The following SCP2 variants were observed in gnomAD, a reference collection of about 807,000 sequenced individuals.
SCP2 encodes sterol carrier protein 2, also known as SCP-2/3-oxoacyl-CoA thiolase.
A neutral mutation model predicts 71.4 loss-of-function variants in SCP2; 48 were observed. That is an observed-to-expected ratio of 0.67 (90% CI 0.53 to 0.86). SCP2 has a LOEUF of 0.86. Among genes scored for constraint, SCP2 ranks in the 40% least tolerant of loss-of-function variants. The pLI, the probability that SCP2 is intolerant of heterozygous loss-of-function variation, is 0.00. For missense variants in SCP2, 560 were observed against 655.6 expected (o/e 0.85, Z 1.59); for synonymous variants, 220 against 218.1 (o/e 1.01, Z -0.08).
chr1:52,958,830 C>G (rs1229097509), intron 5 of SCP2, among the ~76,000 whole-genome samples: 1 of 152,120 alleles, frequency 6.6e-6, no homozygotes, highest in Non-Finnish European at 1.5e-5. Context: ...GTTGGGATTA[C>G]AGGTGTGAGC....
intron 1 of SCP2, among the ~76,000 whole-genome samples, chr1:52,932,759 A>G (rs1653278911): frequency 6.6e-6 from 1 of 152,222 alleles, no homozygotes; most frequent in Non-Finnish European, 1.5e-5. Context: ...AAACTCAGTA[A>G]TTATGTTACT....
chr1:53,007,071 G>A (rs1016803989), intron 11 of SCP2, among the ~76,000 whole-genome samples: 19 of 152,184 alleles, frequency 1.2e-4, no homozygotes, highest in African/African-American at 4.6e-4. Context: ...AATTCAACAA[G>A]AAGAGATAAC....
At chr1:53,042,584 G>C (rs1663517133) in intron 14 of SCP2, among the ~76,000 whole-genome samples, 1 of 152,092 alleles carries the variant, frequency 6.6e-6, no homozygotes, top group Non-Finnish European at 1.5e-5. Flanking sequence ...GAGTGGTGTT[G>C]AAATACAGAC....
chr1:52,946,437 A>T (rs1260723995), intron 2 of SCP2, among the ~76,000 whole-genome samples: 2 of 151,800 alleles, frequency 1.3e-5, no homozygotes, highest in African/African-American at 4.8e-5. Flanking sequence ...CTGGTCTCAA[A>T]ACTCCTGGGC....
chr1:52,970,304 T>C (rs1657346214), intron 6 of SCP2, among the ~76,000 whole-genome samples: 1 of 152,138 alleles, frequency 6.6e-6, no homozygotes, highest in South Asian at 2.1e-4. Context: ...GCTGACTCTT[T>C]TTAGGTGCAA....
Position 52,970,995 on chromosome 1 carries a change from A to G in SCP2, c.524-3774A>G, listed in dbSNP as rs1315835400. On this transcript the variant is annotated intron_variant, in intron 6 of 15. Coordinates refer to ENST00000371514, the MANE Select transcript of SCP2 (RefSeq NM_002979.5). ...TTTTTTTTTTTTTTTTTTTTTTTTG[A>G]GACAGAGTCTCAGTCTGTTGCCCAG... Among the ~76,000 whole-genome samples, 4 of 47,908 alleles carry G rather than the reference A, an allele frequency of 8.3e-5. No individual in the cohort carries two copies. The Admixed American group carries it at 1.1e-3, about 13-fold the overall frequency. 31.4% of individuals were successfully genotyped at this position (47,908 alleles called of 152,430 possible).
intron 1 of SCP2, among the ~76,000 whole-genome samples, chr1:52,927,823 C>T (rs1402775145): frequency 2.0e-5 from 3 of 152,160 alleles, no homozygotes; most frequent in African/African-American, 7.2e-5. Context: ...GAACAGCCCC[C>T]ACAGGAGCCC....
intron 5 of SCP2, among the ~76,000 whole-genome samples, chr1:52,956,902 CTTTTT>C (rs370787153): frequency 8.3e-4 from 88 of 105,892 alleles, no homozygotes; most frequent in East Asian, 3.8e-3. Flanking sequence ...CTCCTTCTGC[CTTTTT>C]TTTTTTTTTT....
At chr1:53,022,926 A>G (rs754456944) in intron 12 of SCP2, among the ~76,000 whole-genome samples, 4 of 152,166 alleles carry the variant, frequency 2.6e-5, no homozygotes, top group Non-Finnish European at 5.9e-5. Context: ...GTTTCCTTTC[A>G]ATGTTTATAT....
intron 15 of SCP2, chr1:53,049,462 G>C: frequency 6.6e-6 from 1 of 152,236 alleles, no homozygotes; most frequent in Non-Finnish European, 1.5e-5. Flanking sequence ...TTTGGCTCCA[G>C]CAGCAAGCGT....
chr1:53,020,203 A>G (rs1661622599), intron 12 of SCP2, among the ~76,000 whole-genome samples: 1 of 151,958 alleles, frequency 6.6e-6, no homozygotes, highest in African/African-American at 2.4e-5. Context: ...GACAGTTTTG[A>G]TCAGTGGGAA....
intron 13 of SCP2, among the ~76,000 whole-genome samples, chr1:53,034,258 A>G (rs970006906): frequency 6.6e-6 from 1 of 152,056 alleles, no homozygotes; most frequent in Non-Finnish European, 1.5e-5. Flanking sequence ...CCTGGGTGAC[A>G]GAGTGACTCC....
At position 53,050,891 on chromosome 1, in the gene SCP2, A is replaced by C. The variant is rs1168965618; in HGVS notation, c.*187A>C. ...GGTGAATAGAGCCTGATGGTATACTACTGCTTTGCGGAATTGCATACAACT... is the reference window on the plus strand; with the variant it reads ...GGTGAATAGAGCCTGATGGTATACTCCTGCTTTGCGGAATTGCATACAACT... On this transcript the variant is annotated 3_prime_UTR_variant, in exon 16 of 16. Transcript: ENST00000371514. 3 of 551,486 alleles carry C rather than the reference A, an allele frequency of 5.4e-6. No homozygotes were observed. Among genetic ancestry groups the C allele is most frequent in the African/African-American group, 3.8e-5 (2 of 52,608 alleles). The allele number at this position is 551,486 out of a possible 1,614,324, so 34.2% of individuals were successfully genotyped here.
In SCP2 at chr1:53,037,686, A is replaced by G. The variant is rs768231810; in HGVS notation, c.1339-1231A>G. 6.2e-4 allele frequency among the ~76,000 whole-genome samples: 95 copies of G among 152,146 alleles called. No individual in the cohort carries two copies. The Middle Eastern group carries it at 0.017, about 27-fold the overall frequency. ...ACTGATAGAGAAAATGAGTTGAACA[A>G]CAACAAAAAAGGCCTTGATTTCAGA... On this transcript the variant is annotated intron_variant, in intron 13 of 15. Coordinates refer to ENST00000371514, the MANE Select transcript of SCP2 (RefSeq NM_002979.5).
In SCP2 at chr1:52,976,703, A is replaced by C; in HGVS notation, c.608A>C (p.Glu203Ala). The stretch of plus-strand genomic sequence containing the variant: ...TTTAGGTATTCCCAGTTCCAAGATG[A>C]ATACAGTTTAGATGAAGTGATGGCA... The part of the protein sequence containing the change: ...VNNPYSQFQD[E>A]YSLDEVMASK... Residue 203 changes from glutamate (E) to alanine (A), a missense_variant, in exon 8 of 16, where the codon GAA becomes GCA. By Grantham distance (107) the Glu-to-Ala change is moderately radical. Around this residue, in one of 3 missense-constraint regions of SCP2, gnomAD observed 513 missense variants for 573.1 expected, o/e 0.90. Coordinates refer to ENST00000371514, the MANE Select transcript of SCP2 (RefSeq NM_002979.5). 1 of 1,558,122 alleles carries C rather than the reference A, an allele frequency of 6.4e-7. No homozygotes were observed. The highest frequency in any genetic ancestry group is 1.7e-4 in the Middle Eastern group (1 of 5,922).
At chr1:53,040,319 T>C (rs962228870) in intron 14 of SCP2, among the ~76,000 whole-genome samples, 6 of 152,242 alleles carry the variant, frequency 3.9e-5, no homozygotes, top group African/African-American at 1.4e-4. Flanking sequence ...ACTATGTATG[T>C]CCTTGCTCAC....
chr1:53,013,421 TAAA>T (rs776237493), intron 11 of SCP2, among the ~76,000 whole-genome samples: 4 of 117,212 alleles, frequency 3.4e-5, no homozygotes, highest in African/African-American at 1.0e-4. Flanking sequence ...CCGTCTCTAC[TAAA>T]AAAAAAAAAA....
chr1:53,038,472 A>G (rs1274392029), intron 13 of SCP2, among the ~76,000 whole-genome samples: 1 of 151,992 alleles, frequency 6.6e-6, no homozygotes, highest in Non-Finnish European at 1.5e-5. Context: ...TGGCATGATC[A>G]TAGCTCACCA....
At chr1:52,939,975 A>G (rs1482862625) in intron 1 of SCP2, among the ~76,000 whole-genome samples, 3 of 152,076 alleles carry the variant, frequency 2.0e-5, no homozygotes, top group Non-Finnish European at 4.4e-5. Flanking sequence ...CAACCTGTAC[A>G]TGTTTAGTTT....
Sources: gnomAD v4.1 joint callset for allele counts (sites outside exome capture counted in the v4.1 genomes callset) on GRCh38, gnomAD v4.1.1 for gene constraint, gnomAD v4.1.1 regional missense constraint, MANE v1.5 for transcripts, NCBI Gene and HGNC (gene_info 2026-07-23, HGNC 2026-07-21) for gene names.